The following TXLNB variants were observed in gnomAD, a reference collection of about 807,000 sequenced individuals.
TXLNB encodes the protein taxilin beta.
In TXLNB, 37 loss-of-function variants were observed where a neutral mutation model predicts 57.4. That is an observed-to-expected ratio of 0.64 (90% CI 0.50 to 0.85). The LOEUF (loss-of-function observed/expected upper bound fraction) is 0.85. Ranked by LOEUF, TXLNB falls within the 40% of genes least tolerant of loss-of-function variation. The pLI is 0.00. For missense variants in TXLNB, 848 were observed against 825.6 expected (o/e 1.03, Z -0.33); for synonymous variants, 302 against 309.6 (o/e 0.98, Z 0.26).
At chr6:139,194,975 C>G in the TXLNB span, among the ~76,000 whole-genome samples, 1 of 152,372 alleles carries the variant, frequency 6.6e-6, no homozygotes, top group East Asian at 1.9e-4. Context: ...TAAAACAACA[C>G]AAATTTATTA....
At chr6:139,271,184 G>C (rs1246630887) in intron 3 of TXLNB, among the ~76,000 whole-genome samples, 2 of 152,162 alleles carry the variant, frequency 1.3e-5, no homozygotes, top group East Asian at 3.8e-4. Context: ...AAGGAGAAGA[G>C]AAAGTACCCT....
intron 7 of TXLNB, among the ~76,000 whole-genome samples, chr6:139,251,167 T>TA (rs1299117995): frequency 6.6e-6 from 1 of 152,180 alleles, no homozygotes; most frequent in Non-Finnish European, 1.5e-5. Flanking sequence ...TGCTTTCTAT[T>TA]AAAAAAATTA....
chr6:139,219,481 G>A, the TXLNB span, among the ~76,000 whole-genome samples: 1 of 152,174 alleles, frequency 6.6e-6, no homozygotes, highest in Non-Finnish European at 1.5e-5. Flanking sequence ...AGCCTTTCTG[G>A]GCAAGCAGCA....
chr6:139,171,370 A>G, the TXLNB span, among the ~76,000 whole-genome samples: 1 of 152,212 alleles, frequency 6.6e-6, no homozygotes, highest in African/African-American at 2.4e-5. Flanking sequence ...ATAGACATAC[A>G]TAAATAGATA....
the TXLNB span, among the ~76,000 whole-genome samples, chr6:139,300,479 G>A: frequency 6.6e-6 from 1 of 152,050 alleles, no homozygotes; most frequent in Non-Finnish European, 1.5e-5. Context: ...CATGGTGAGG[G>A]GATGCCTAGG....
Position 139,240,407 on chromosome 6 carries a change from G to C in TXLNB, c.*2119C>G, listed in dbSNP as rs1351599644. On this transcript the variant is annotated 3_prime_UTR_variant, in exon 10 of 10. Transcript: ENST00000358430. ...TAATGTGTTTCTGTGAAAGTCTTTT[G>C]GATGAAAATAATGAACTTTGGGTTT... is the stretch of plus-strand genomic sequence containing the variant. 1 of 152,586 alleles carries C rather than the reference G, an allele frequency of 6.6e-6. No individual in the cohort carries two copies. The highest frequency in any genetic ancestry group is 1.5e-5 in the Non-Finnish European group (1 of 68,034). The allele number at this position is 152,586 out of a possible 1,614,324, so 9.5% of individuals were successfully genotyped here.
chr6:139,237,353 C>T (rs1402729516), downstream of TXLNB: 1 of 151,452 alleles, frequency 6.6e-6, no homozygotes, highest in Non-Finnish European at 1.5e-5. Flanking sequence ...TACAAAATAT[C>T]TTTATTTTGG....
the TXLNB span, among the ~76,000 whole-genome samples, chr6:139,210,841 GC>G: frequency 1.3e-5 from 2 of 152,208 alleles, no homozygotes; most frequent in Non-Finnish European, 2.9e-5. Context: ...TATATCCCGC[GC>G]CTAGCTCGGA....
chr6:139,204,544 G>C, the TXLNB span, among the ~76,000 whole-genome samples: 1 of 152,174 alleles, frequency 6.6e-6, no homozygotes, highest in Non-Finnish European at 1.5e-5. Context: ...ACTGAATTTT[G>C]TGACAGGATT....
At chr6:139,294,745 G>A (rs139330836), upstream of TXLNB, among the ~76,000 whole-genome samples, 1,906 of 152,210 alleles carry the variant, frequency 0.013, 52 homozygotes, top group African/African-American at 0.043. Flanking sequence ...ATACCAGCAC[G>A]TTGGGAGGCC....
chr6:139,191,390 G>T, the TXLNB span, among the ~76,000 whole-genome samples: 4,503 of 152,240 alleles, frequency 0.03, 72 homozygotes, highest in Non-Finnish European at 0.038. Flanking sequence ...TTGCACTCCA[G>T]CCTGGGCAAC....
At chr6:139,167,342 C>G in the TXLNB span, 1 of 1,517,904 alleles carries the variant, frequency 6.6e-7, no homozygotes, top group Non-Finnish European at 9.0e-7. Flanking sequence ...TGTTAATTCA[C>G]CTTGCCTGCT....
chr6:139,216,065 G>A, the TXLNB span, among the ~76,000 whole-genome samples: 1 of 152,142 alleles, frequency 6.6e-6, no homozygotes, highest in Non-Finnish European at 1.5e-5. Context: ...AGTCAGTGTG[G>A]CGATTCCTCA....
chr6:139,278,391 G>C (rs1360765682), intron 2 of TXLNB, among the ~76,000 whole-genome samples: 1 of 152,150 alleles, frequency 6.6e-6, no homozygotes, highest in Non-Finnish European at 1.5e-5. Flanking sequence ...CCTAAAACAG[G>C]GGAAGGTGGG....
the TXLNB span, chr6:139,179,732 T>C: frequency 1.3e-5 from 2 of 152,212 alleles, no homozygotes; most frequent in Admixed American, 1.3e-4. Flanking sequence ...TTGCCCTGAA[T>C]ACTTTGATTG....
chr6:139,292,804 CCTGT>C (rs1184956269), upstream of TXLNB, among the ~76,000 whole-genome samples: 1 of 152,160 alleles, frequency 6.6e-6, no homozygotes, highest in Admixed American at 6.5e-5. This position sits in a 1 kb window ranked among gnomAD's most constrained non-coding sequence, Gnocchi z 4.0. Flanking sequence ...CCATAAAATG[CCTGT>C]CTATTAATTT....
the TXLNB span, among the ~76,000 whole-genome samples, chr6:139,210,001 T>G: frequency 1.3e-5 from 2 of 151,774 alleles, no homozygotes; most frequent in Non-Finnish European, 2.9e-5. Flanking sequence ...TACAAGGAAC[T>G]CAAACAAATC....
downstream of TXLNB, chr6:139,237,358 T>C (rs1167812893): frequency 6.6e-6 from 1 of 151,220 alleles, no homozygotes; most frequent in Non-Finnish European, 1.5e-5. Context: ...AATATCTTTA[T>C]TTTGGGTGTG....
chr6:139,317,556 C>T, the TXLNB span, among the ~76,000 whole-genome samples: 25 of 152,014 alleles, frequency 1.6e-4, no homozygotes, highest in Non-Finnish European at 2.6e-4. Flanking sequence ...CCCGCCACCA[C>T]GCCCAGCTAA....
Sources: allele counts gnomAD v4.1 joint callset (sites outside exome capture counted in the v4.1 genomes callset), GRCh38; gene constraint gnomAD v4.1.1; non-coding constraint Gnocchi (gnomAD v3.1); transcripts MANE v1.5; gene names NCBI Gene and HGNC (gene_info 2026-07-23, HGNC 2026-07-21).